The following GLIS3 variants were observed in gnomAD, a reference collection of about 807,000 sequenced individuals.
GLIS3 encodes zinc finger protein GLIS3.
GLIS3 carries 53 observed loss-of-function variants against 78.6 expected under a neutral mutation model. That is an observed-to-expected ratio of 0.67 (90% CI 0.54 to 0.85). The LOEUF is 0.85. Among genes scored for constraint, GLIS3 ranks in the 40% least tolerant of loss-of-function variants. The pLI is 0.00. For missense variants in GLIS3, 1,703 were observed against 1,231.1 expected (o/e 1.38, Z -5.74); for synonymous variants, 684 against 509.9 (o/e 1.34, Z -4.60).
intron 4 of GLIS3, among the ~76,000 whole-genome samples, chr9:4,116,744 A>T (rs929726579): frequency 2.0e-5 from 3 of 152,230 alleles, no homozygotes; most frequent in Non-Finnish European, 2.9e-5. Flanking sequence ...ATTGATTTAT[A>T]TATTTCACAT....
At chr9:3,899,171 AG>A (rs1823097695) in intron 6 of GLIS3, among the ~76,000 whole-genome samples, 2 of 152,206 alleles carry the variant, frequency 1.3e-5, no homozygotes, top group African/African-American at 2.4e-5. Flanking sequence ...AACAAACTCA[AG>A]TAGATTTAGT....
intron 2 of GLIS3, among the ~76,000 whole-genome samples, chr9:4,209,476 GA>G (rs1373432523): frequency 1.5e-4 from 23 of 152,190 alleles, no homozygotes; most frequent in Admixed American, 2.6e-4. Context: ...CCCATTTGCA[GA>G]AAGCTTCTCA....
At chr9:3,859,585 G>C (rs1386716247) in intron 8 of GLIS3, among the ~76,000 whole-genome samples, 2 of 152,088 alleles carry the variant, frequency 1.3e-5, no homozygotes, top group South Asian at 2.1e-4. Context: ...AATTATGTCA[G>C]ATCAAGATGA....
At chr9:4,276,544 AAGGGG>A (rs1218063568) in intron 2 of GLIS3, among the ~76,000 whole-genome samples, 46 of 29,492 alleles carry the variant, frequency 1.6e-3, no homozygotes, top group East Asian at 2.4e-3. Context: ...AAGGGGACGG[AAGGGG>A]AGGGGAGGGG....
intron 8 of GLIS3, among the ~76,000 whole-genome samples, chr9:3,865,231 C>G (rs1035561293): frequency 6.6e-6 from 1 of 152,212 alleles, no homozygotes; most frequent in Non-Finnish European, 1.5e-5. Flanking sequence ...CTCTGGGTTT[C>G]TGCTCACCTC....
intron 2 of GLIS3, among the ~76,000 whole-genome samples, chr9:4,319,615 A>G (rs1817491839): frequency 6.6e-6 from 1 of 151,992 alleles, no homozygotes; most frequent in African/African-American, 2.4e-5. Context: ...CTGTCACCTC[A>G]AACTCCTGGG....
the GLIS3 span, among the ~76,000 whole-genome samples, chr9:4,432,174 C>T: frequency 6.6e-6 from 1 of 152,108 alleles, no homozygotes; most frequent in African/African-American, 2.4e-5. Context: ...GATGATTATG[C>T]TAAACAATGT....
the GLIS3 span, among the ~76,000 whole-genome samples, chr9:4,490,066 G>T: frequency 1.3e-5 from 2 of 152,368 alleles, no homozygotes; most frequent in East Asian, 3.9e-4. Context: ...ACTTGAAAGG[G>T]CACCCGTTCT....
At chr9:4,470,118 C>T in the GLIS3 span, among the ~76,000 whole-genome samples, 5 of 152,000 alleles carry the variant, frequency 3.3e-5, no homozygotes, top group African/African-American at 1.2e-4. Context: ...ATTAATAACC[C>T]ACCAACCAAA....
the GLIS3 span, among the ~76,000 whole-genome samples, chr9:4,472,095 A>C: frequency 1.3e-5 from 2 of 152,240 alleles, no homozygotes; most frequent in African/African-American, 4.8e-5. Flanking sequence ...GTCATTAAAA[A>C]GTCAGGAAAC....
At chr9:4,141,576 G>A (rs1833818972) in intron 2 of GLIS3, among the ~76,000 whole-genome samples, 1 of 152,164 alleles carries the variant, frequency 6.6e-6, no homozygotes, top group South Asian at 2.1e-4. Context: ...AGCAATAACT[G>A]AGATTAAATT....
intron 2 of GLIS3, among the ~76,000 whole-genome samples, chr9:4,264,253 C>T (rs1323068093): frequency 1.3e-5 from 2 of 152,166 alleles, no homozygotes; most frequent in African/African-American, 4.8e-5. Context: ...AACCAATCCT[C>T]AGCAAGTCCC....
At chr9:4,317,719 C>A (rs748562688) in intron 2 of GLIS3, among the ~76,000 whole-genome samples, 9 of 152,150 alleles carry the variant, frequency 5.9e-5, no homozygotes, top group Non-Finnish European at 1.2e-4. Context: ...AATGAGCAGG[C>A]ATTATTCAAG....
At chr9:4,233,678 G>C (rs1298634806) in intron 2 of GLIS3, among the ~76,000 whole-genome samples, 1 of 152,192 alleles carries the variant, frequency 6.6e-6, no homozygotes, top group Non-Finnish European at 1.5e-5. Context: ...TCAACTTAAA[G>C]TTACCAGCTG....
At chr9:4,403,076 A>G in the GLIS3 span, among the ~76,000 whole-genome samples, 1 of 152,208 alleles carries the variant, frequency 6.6e-6, no homozygotes, top group Non-Finnish European at 1.5e-5. Context: ...CAGCAAGAGA[A>G]AAGACACAAA....
At chr9:4,447,629 T>C in the GLIS3 span, among the ~76,000 whole-genome samples, 173 of 152,344 alleles carry the variant, frequency 1.1e-3, no homozygotes, top group African/African-American at 3.8e-3. Context: ...TCTCCCTTCC[T>C]GAACCTCAGT....
In GLIS3 at chr9:4,054,306, T is replaced by C. The variant is rs1825961384; in HGVS notation, c.1710+63462A>G. ...ACCAGAGCCTGCAAACAACGTACTC[T>C]ACAGATGTTTCCACAACTCCACAAG... On this transcript the variant is annotated intron_variant, in intron 4 of 10. Coordinates refer to ENST00000381971, the MANE Select transcript of GLIS3 (RefSeq NM_001042413.2). 4 of 982,322 alleles carry C rather than the reference T, an allele frequency of 4.1e-6. No individual in the cohort carries two copies. The South Asian group carries it at 1.9e-4, about 46-fold the overall frequency. 60.9% of individuals were successfully genotyped at this position (982,322 alleles called of 1,614,324 possible). A position where few individuals can be genotyped will look rare whatever the true frequency, so the allele number is the denominator to read the frequency against.
chr9:4,300,656 T>TATACGCAGGTATATTCC (rs1817029648), upstream of GLIS3, among the ~76,000 whole-genome samples: 1 of 152,124 alleles, frequency 6.6e-6, no homozygotes, highest in South Asian at 2.1e-4. Context: ...GTATGTTACG[T>TATACGCAGGTATATTCC]CTATAAAGTG....
chr9:3,842,163 G>A (rs1219857416), intron 9 of GLIS3, among the ~76,000 whole-genome samples: 1 of 152,122 alleles, frequency 6.6e-6, no homozygotes, highest in Non-Finnish European at 1.5e-5. Flanking sequence ...GAGCCAGCCT[G>A]GTTCTATAGC....
Sources: allele counts gnomAD v4.1 joint callset (sites outside exome capture counted in the v4.1 genomes callset), GRCh38; gene constraint gnomAD v4.1.1; transcripts MANE v1.5; gene names NCBI Gene and HGNC (gene_info 2026-07-23, HGNC 2026-07-21).